The following NAV2 variants were observed in gnomAD, a reference collection of about 807,000 sequenced individuals.
NAV2 encodes neuron navigator 2, also known as helicase, APC down-regulated 1.
In NAV2, 54 loss-of-function variants were observed where a neutral mutation model predicts 223.2. The observed-to-expected ratio is 0.24, with a 90% CI of 0.19 to 0.30. The LOEUF (loss-of-function observed/expected upper bound fraction) is 0.30, where lower values mean the gene tolerates loss of function less well. NAV2 is among the 10% of genes least tolerant of loss of function. The pLI is 1.00. For synonymous variants in NAV2, 1,279 were observed against 1,239.3 expected (o/e 1.03, Z -0.67); for missense variants, 2,806 against 3,147.5 (o/e 0.89, Z 2.60).
chr11:19,738,868 T>A (rs1330990664), intron 1 of NAV2, among the ~76,000 whole-genome samples: 1 of 152,186 alleles, frequency 6.6e-6, no homozygotes, highest in Non-Finnish European at 1.5e-5. Context: ...CTCAGTAAAT[T>A]AGCTTCTGTC....
At chr11:19,930,760 G>C (rs1007322228) in intron 6 of NAV2, among the ~76,000 whole-genome samples, 2 of 152,144 alleles carry the variant, frequency 1.3e-5, no homozygotes, top group Non-Finnish European at 2.9e-5. Context: ...TCTAAGTTCA[G>C]GTAAAGGGAA....
At chr11:19,635,403 A>G (rs982120677) in intron 1 of NAV2, among the ~76,000 whole-genome samples, 12 of 152,232 alleles carry the variant, frequency 7.9e-5, no homozygotes, top group Non-Finnish European at 1.6e-4. Context: ...TCAGAATGGT[A>G]TTATGGTAAT....
intron 1 of NAV2, among the ~76,000 whole-genome samples, chr11:19,695,243 T>C (rs1565174271): frequency 6.6e-6 from 1 of 152,170 alleles, no homozygotes; most frequent in Non-Finnish European, 1.5e-5. Context: ...CATGACATAG[T>C]GGGAAAGATA....
chr11:19,590,563 G>C (rs762115480), intron 1 of NAV2, among the ~76,000 whole-genome samples: 1 of 152,146 alleles, frequency 6.6e-6, no homozygotes, highest in Non-Finnish European at 1.5e-5. Context: ...TGCTTCAGAA[G>C]CTTGAGTTTA....
chr11:19,748,017 A>T (rs2053520605), intron 1 of NAV2, among the ~76,000 whole-genome samples: 1 of 152,174 alleles, frequency 6.6e-6, no homozygotes, highest in Non-Finnish European at 1.5e-5. Context: ...GCATGGCATT[A>T]GTGGGATATG....
intron 1 of NAV2, among the ~76,000 whole-genome samples, chr11:19,389,467 A>G (rs1849164625): frequency 6.6e-6 from 1 of 152,226 alleles, no homozygotes; most frequent in South Asian, 2.1e-4. Context: ...TTTGGACACA[A>G]AATGCCTGGC....
chr11:20,103,823 T>C (rs1277841529), intron 34 of NAV2, 99 bp downstream of exon 34: 16 of 1,045,982 alleles, frequency 1.5e-5, no homozygotes, highest in Non-Finnish European at 2.1e-5. Context: ...ATGTGTTGTA[T>C]GCTAGGTATT....
At chr11:19,918,741 C>A (rs753695550) in intron 6 of NAV2, among the ~76,000 whole-genome samples, 7 of 152,158 alleles carry the variant, frequency 4.6e-5, no homozygotes, top group Non-Finnish European at 8.8e-5. Flanking sequence ...CATTTTATTT[C>A]TTTTTCCTAC....
intron 16 of NAV2, among the ~76,000 whole-genome samples, chr11:20,050,177 T>G (rs2057839994): frequency 6.6e-6 from 1 of 152,194 alleles, no homozygotes; most frequent in South Asian, 2.1e-4. Context: ...AAGCTCTCGC[T>G]TGCATCTCTT....
At chr11:19,861,361 C>G (rs1005892274) in intron 3 of NAV2, among the ~76,000 whole-genome samples, 2 of 149,894 alleles carry the variant, frequency 1.3e-5, no homozygotes, top group Non-Finnish European at 3.0e-5. Flanking sequence ...GCAGATAAGC[C>G]TGTTCGATTC....
intron 8 of NAV2, among the ~76,000 whole-genome samples, chr11:19,940,725 A>G (rs1345087180): frequency 6.6e-6 from 1 of 152,212 alleles, no homozygotes; most frequent in African/African-American, 2.4e-5. Context: ...TTACCCATCT[A>G]GCAATTAGCC....
intron 3 of NAV2, among the ~76,000 whole-genome samples, chr11:19,866,926 T>C (rs1479054084): frequency 6.6e-6 from 1 of 152,130 alleles, no homozygotes; most frequent in African/African-American, 2.4e-5. Flanking sequence ...ATGTGCAAGA[T>C]ATTATATAAA....
In NAV2 at chr11:19,818,293, G is replaced by A. The variant is rs1458657120; in HGVS notation, c.268-14191G>A. ...ATCTCACCTGTCTATACTCAGTGACGTTTAACAGTTGGCTCTCCAAGGAGA... is the reference window on the plus strand; with the variant it reads ...ATCTCACCTGTCTATACTCAGTGACATTTAACAGTTGGCTCTCCAAGGAGA... On this transcript the variant is annotated intron_variant, in intron 1 of 37. Transcript: ENST00000349880. Among the ~76,000 whole-genome samples the A allele has an allele frequency of 8.9e-5, 10 of 112,322 alleles. No homozygotes were observed. In the South Asian group the frequency reaches 9.0e-4, roughly 10 times the overall value. The allele number at this position is 112,322 out of a possible 152,430, so 73.7% of individuals were successfully genotyped here.
At chr11:19,981,576 C>A (rs529156829) in intron 10 of NAV2, among the ~76,000 whole-genome samples, 1 of 152,344 alleles carries the variant, frequency 6.6e-6, no homozygotes, top group Non-Finnish European at 1.5e-5. Context: ...TTTTGTTTAT[C>A]TAACTGGCTG....
intron 12 of NAV2, among the ~76,000 whole-genome samples, chr11:20,038,101 C>T (rs529635111): frequency 6.6e-6 from 1 of 152,278 alleles, no homozygotes; most frequent in South Asian, 2.1e-4. Flanking sequence ...GCCTTTGTTC[C>T]CTTCTTGCAA....
intron 1 of NAV2, among the ~76,000 whole-genome samples, chr11:19,475,804 C>T (rs933829158): frequency 6.6e-6 from 1 of 152,188 alleles, no homozygotes; most frequent in Non-Finnish European, 1.5e-5. Flanking sequence ...CCATAAAAAT[C>T]GGTCTGTCCT....
intron 29 of NAV2, among the ~76,000 whole-genome samples, chr11:20,094,155 G>A (rs1043884282): frequency 1.7e-4 from 26 of 150,620 alleles, no homozygotes; most frequent in African/African-American, 5.4e-4. Context: ...AGATAGCTCC[G>A]TTTTCAAAAC....
rs750620962 is a variant in NAV2 at position 19,933,732 on chromosome 11, G to T, written c.1488G>T (p.Lys496Asn). The change falls in exon 7 of 38, where the codon AAG (lysine) becomes AAT (asparagine). Residue 496 changes from lysine to asparagine, a missense_variant. Lys to Asn is a moderately conservative substitution (Grantham distance 94, BLOSUM62 0). Coordinates refer to ENST00000349880, the MANE Select transcript of NAV2 (RefSeq NM_145117.5). The surrounding 1 kb of genome is among the most constrained non-coding windows in gnomAD (Gnocchi z 4.3). ...AGAAGGAGAAACAACAGCGGGAGAAGGATAAGGAGAAAAGCAAGGACCTTG... is the reference window on the plus strand; with the variant it reads ...AGAAGGAGAAACAACAGCGGGAGAATGATAAGGAGAAAAGCAAGGACCTTG... ...EKEKEKQQRE[K>N]DKEKSKDLAK... 1 of 1,614,206 alleles carries T rather than the reference G, an allele frequency of 6.2e-7. No individual in the cohort carries two copies. The highest frequency in any genetic ancestry group is 8.5e-7 in the Non-Finnish European group (1 of 1,180,044).
At chr11:19,892,342 C>A (rs991514530) in intron 5 of NAV2, 92 bp from the exon 6 acceptor site, 4 of 1,269,968 alleles carry the variant, frequency 3.1e-6, no homozygotes, top group Non-Finnish European at 3.3e-6. Context: ...TGGATAGTTT[C>A]TTTTGCCTCC....
Sources: gnomAD v4.1 joint callset for allele counts (sites outside exome capture counted in the v4.1 genomes callset) on GRCh38, gnomAD v4.1.1 for gene constraint, Gnocchi (gnomAD v3.1) non-coding constraint, MANE v1.5 for transcripts, NCBI Gene and HGNC (gene_info 2026-07-23, HGNC 2026-07-21) for gene names.